MED13L: variants seen among roughly 807,000 people sequenced by gnomAD.
MED13L encodes mediator of RNA polymerase II transcription subunit 13-like.
A neutral mutation model predicts 220.9 loss-of-function variants in MED13L; 7 were observed. The ratio of observed to expected loss-of-function variants is 0.03; its 90% CI spans 0.02 to 0.06. The LOEUF is 0.06. Among genes scored for constraint, MED13L ranks in the 10% least tolerant of loss-of-function variants. The probability of loss-of-function intolerance (pLI) is 1.00; values close to 1 mark genes in which losing one functional copy is unlikely to be tolerated. For missense variants in MED13L, 1,965 were observed against 2,760.5 expected (o/e 0.71, Z 6.46); for synonymous variants, 1,011 against 1,015.2 (o/e 1.00, Z 0.08).
At chr12:116,276,477 G>A (rs1474107677) in intron 1 of MED13L, 1 of 1,288,020 alleles carries the variant, frequency 7.8e-7, no homozygotes, top group Non-Finnish European at 1.0e-6. Flanking sequence ...AGCATAGTAA[G>A]CCCCGAGAGG....
Position 115,961,120 on chromosome 12 carries a change from G to A in MED13L, c.*146C>T. On this transcript the variant is annotated 3_prime_UTR_variant, in exon 31 of 31. Coordinates refer to ENST00000281928, the MANE Select transcript of MED13L (RefSeq NM_015335.5). ...GTAATGAACACTGCAGAATTGACAT[G>A]TGCCTGCTGAGAAGGAATCACAGTG... The A allele has an allele frequency of 1.9e-6, 2 of 1,053,588 alleles. No homozygotes were observed. Among genetic ancestry groups the A allele is most frequent in the Non-Finnish European group, 2.9e-6 (2 of 698,070 alleles). The allele number at this position is 1,053,588 out of a possible 1,614,324, so 65.3% of individuals were successfully genotyped here.
intron 7 of MED13L, among the ~76,000 whole-genome samples, chr12:116,017,766 T>C (rs1879814146): frequency 6.6e-6 from 1 of 152,048 alleles, no homozygotes; most frequent in African/African-American, 2.4e-5. Flanking sequence ...CAGGCATTTG[T>C]CACCATGCAT....
chr12:116,040,861 A>C (rs1048553232), intron 4 of MED13L, among the ~76,000 whole-genome samples: 1 of 152,192 alleles, frequency 6.6e-6, no homozygotes, highest in Non-Finnish European at 1.5e-5. Flanking sequence ...GTGATTGGCA[A>C]ATCAAGCAAA....
chr12:116,232,128 C>A (rs1477803874), intron 2 of MED13L: 10 of 985,192 alleles, frequency 1.0e-5, no homozygotes, highest in Non-Finnish European at 1.2e-5. Flanking sequence ...TTACAATCGC[C>A]CACACCTCCT....
intron 2 of MED13L, among the ~76,000 whole-genome samples, chr12:116,231,689 A>G (rs1374136275): frequency 1.3e-5 from 2 of 152,168 alleles, no homozygotes; most frequent in African/African-American, 4.8e-5. Context: ...TGAGCATGCC[A>G]AAAGTGCTCT....
intron 2 of MED13L, among the ~76,000 whole-genome samples, chr12:116,232,857 C>A (rs1373288214): frequency 6.6e-6 from 1 of 152,102 alleles, no homozygotes; most frequent in African/African-American, 2.4e-5. Context: ...GAGGCCGAGG[C>A]GGGCGGATCG....
chr12:116,193,156 CA>C (rs1416129593), intron 2 of MED13L, among the ~76,000 whole-genome samples: 1 of 151,546 alleles, frequency 6.6e-6, no homozygotes, highest in Non-Finnish European at 1.5e-5. Context: ...ACAAAAAAAA[CA>C]AAAATTAGGC....
At chr12:115,971,977 A>G in intron 26 of MED13L, 101 bp downstream of exon 26, 1 of 1,306,344 alleles carries the variant, frequency 7.7e-7, no homozygotes. Context: ...TCCCTTATAG[A>G]AATATAATGA....
At chr12:115,987,628 TTTC>T (rs1280321256) in intron 17 of MED13L, among the ~76,000 whole-genome samples, 1 of 152,264 alleles carries the variant, frequency 6.6e-6, no homozygotes, top group Admixed American at 6.5e-5. Flanking sequence ...GCTGCAAAAG[TTTC>T]TTAATTATTA....
intron 2 of MED13L, among the ~76,000 whole-genome samples, chr12:116,133,708 T>G (rs1386981253): frequency 6.6e-6 from 1 of 152,212 alleles, no homozygotes; most frequent in Non-Finnish European, 1.5e-5. Flanking sequence ...TCTTTGTAAC[T>G]GCCTCAACAA....
chr12:116,232,778 T>C (rs1440050668), intron 2 of MED13L, among the ~76,000 whole-genome samples: 1 of 152,132 alleles, frequency 6.6e-6, no homozygotes, highest in Non-Finnish European at 1.5e-5. Context: ...TTGGCGAGAA[T>C]ATTGTGTTTA....
At chr12:116,266,482 C>A (rs1285060204) in intron 1 of MED13L, among the ~76,000 whole-genome samples, 1 of 152,202 alleles carries the variant, frequency 6.6e-6, no homozygotes, top group Admixed American at 6.5e-5. Flanking sequence ...ACACAGCAAT[C>A]CTCTCCTTGG....
intron 1 of MED13L, among the ~76,000 whole-genome samples, chr12:116,238,000 T>C (rs1294340389): frequency 3.3e-5 from 5 of 152,220 alleles, no homozygotes; most frequent in African/African-American, 4.8e-5. Flanking sequence ...ATAAAGTCTC[T>C]ATGCAGAAAA....
chr12:116,254,395 C>A (rs1033954570), intron 1 of MED13L, among the ~76,000 whole-genome samples: 6 of 152,036 alleles, frequency 3.9e-5, no homozygotes, highest in Non-Finnish European at 5.9e-5. Context: ...TTGCAGTATA[C>A]AGAATCAATA....
intron 2 of MED13L, among the ~76,000 whole-genome samples, chr12:116,190,346 T>A (rs1281729516): frequency 1.3e-5 from 2 of 152,210 alleles, no homozygotes; most frequent in Non-Finnish European, 2.9e-5. Context: ...ATTATTATGT[T>A]TGATGTTTGA....
chr12:116,176,066 G>C (rs963912532), intron 2 of MED13L, among the ~76,000 whole-genome samples: 3 of 152,124 alleles, frequency 2.0e-5, no homozygotes, highest in Non-Finnish European at 4.4e-5. Flanking sequence ...AAATCAAGTG[G>C]AGTGAGAGGA....
intron 13 of MED13L, among the ~76,000 whole-genome samples, chr12:116,004,466 G>T (rs897375346): frequency 6.6e-6 from 1 of 151,960 alleles, no homozygotes; most frequent in African/African-American, 2.4e-5. Context: ...TCCTGCTTTC[G>T]GCATATCAGA....
chr12:116,238,180 G>A (rs1262257227), intron 1 of MED13L, among the ~76,000 whole-genome samples: 3 of 152,294 alleles, frequency 2.0e-5, no homozygotes, highest in Admixed American at 2.0e-4. Flanking sequence ...TTAGCATGAA[G>A]TACGAGAGTG....
intron 2 of MED13L, among the ~76,000 whole-genome samples, chr12:116,192,782 T>C (rs1881364339): frequency 1.3e-5 from 2 of 152,072 alleles, no homozygotes; most frequent in Non-Finnish European, 2.9e-5. Flanking sequence ...AGTTCAGCAG[T>C]TCAAGACCAG....
Sources: gnomAD v4.1 joint callset for allele counts (sites outside exome capture counted in the v4.1 genomes callset) on GRCh38, gnomAD v4.1.1 for gene constraint, MANE v1.5 for transcripts, NCBI Gene and HGNC (gene_info 2026-07-23, HGNC 2026-07-21) for gene names.